The following ME1 variants were observed in gnomAD, a reference collection of about 807,000 sequenced individuals.
The protein encoded by ME1 is NADP-dependent malic enzyme.
A neutral mutation model predicts 66.4 loss-of-function variants in ME1; 74 were observed. The observed-to-expected ratio is 1.11, with a 90% CI of 0.92 to 1.35. ME1 has a LOEUF of 1.35. Among genes scored for constraint, ME1 ranks in the 40% most tolerant of loss-of-function variants. The pLI, the probability that ME1 is intolerant of heterozygous loss-of-function variation, is 0.00. For missense variants in ME1, 750 were observed against 694.1 expected (o/e 1.08, Z -0.90); for synonymous variants, 251 against 235.6 (o/e 1.07, Z -0.60).
At chr6:83,252,501 A>C (rs1156903881) in intron 7 of ME1, among the ~76,000 whole-genome samples, 5 of 152,104 alleles carry the variant, frequency 3.3e-5, no homozygotes, top group Non-Finnish European at 4.4e-5. Context: ...GAGTTTTGCC[A>C]TGTTGCCCAG....
In ME1 at chr6:83,239,539, C is replaced by T; in HGVS notation, c.912G>A (p.Glu304=). The T allele has an allele frequency of 6.2e-7, 1 of 1,604,932 alleles. No homozygotes were observed. The highest frequency in any genetic ancestry group is 1.3e-5 in the African/African-American group (1 of 74,740). ...DQTILFQGAG[E]AALGIAHLIV... ...CATAAGTATTACACAAGGCAAATAC[C>T]TCTCCAGCTCCTTGGAATAGTATTG... Residue 304 remains glutamate, a splice_region_variant and synonymous_variant, in exon 8 of 14, where the codon GAG becomes GAA. Transcript: ENST00000369705.
chr6:83,420,885 T>G lies in ME1; in HGVS notation c.78+9992A>C, dbSNP rs542639036. Among the ~76,000 whole-genome samples the G allele has an allele frequency of 1.1e-4, 16 of 152,344 alleles. No individual in the cohort carries two copies. In the South Asian group the frequency reaches 3.1e-3, roughly 30 times the overall value. On this transcript the variant is annotated intron_variant, in intron 1 of 13. Coordinates refer to ENST00000369705, the MANE Select transcript of ME1 (RefSeq NM_002395.6). Reference sequence around the variant, plus strand: ...ATTTTTGTTGTTGTTGTTGGGTTTTTTTGTTGTTGTTGTTTTTGTTTTTGT... The same window carrying G: ...ATTTTTGTTGTTGTTGTTGGGTTTTGTTGTTGTTGTTGTTTTTGTTTTTGT...
intron 12 of ME1, among the ~76,000 whole-genome samples, chr6:83,217,346 T>C (rs917169010): frequency 6.6e-6 from 1 of 152,216 alleles, no homozygotes; most frequent in African/African-American, 2.4e-5. Context: ...GTAGGAAACC[T>C]TCCTCTTTTG....
intron 6 of ME1, among the ~76,000 whole-genome samples, chr6:83,291,537 C>G (rs771727090): frequency 3.3e-5 from 5 of 152,184 alleles, no homozygotes; most frequent in Non-Finnish European, 7.3e-5. Context: ...ACCTTTCTCT[C>G]TCACTGCCCT....
intron 3 of ME1, 69 bp from the exon 4 acceptor site, chr6:83,352,208 T>C (rs1583396205): frequency 1.3e-5 from 13 of 997,316 alleles, no homozygotes; most frequent in African/African-American, 1.7e-5. Flanking sequence ...ACCATGAATA[T>C]CTTAAATTTT....
intron 6 of ME1, among the ~76,000 whole-genome samples, chr6:83,274,784 T>C (rs928041971): frequency 3.3e-5 from 5 of 152,184 alleles, no homozygotes; most frequent in Admixed American, 2.6e-4. Context: ...ACTACACAAA[T>C]AAGAGATGCA....
At chr6:83,277,178 A>G (rs527304264) in intron 6 of ME1, among the ~76,000 whole-genome samples, 1 of 152,364 alleles carries the variant, frequency 6.6e-6, no homozygotes, top group South Asian at 2.1e-4. Flanking sequence ...TGAACCAAAC[A>G]AAACAAGCCT....
At chr6:83,411,451 ACTTAAAT>A (rs1770047653) in intron 1 of ME1, among the ~76,000 whole-genome samples, 1 of 152,144 alleles carries the variant, frequency 6.6e-6, no homozygotes, top group South Asian at 2.1e-4. Flanking sequence ...AAATAAGTAA[ACTTAAAT>A]CTTAAAATCC....
intron 6 of ME1, among the ~76,000 whole-genome samples, chr6:83,257,515 A>G (rs1398384567): frequency 6.6e-6 from 1 of 152,172 alleles, no homozygotes; most frequent in Non-Finnish European, 1.5e-5. Flanking sequence ...CACTAAAGAC[A>G]AAAAGAAGCA....
At chr6:83,391,647 C>G (rs1433729716) in intron 3 of ME1, among the ~76,000 whole-genome samples, 1 of 152,082 alleles carries the variant, frequency 6.6e-6, no homozygotes, top group Non-Finnish European at 1.5e-5. Flanking sequence ...CTACAGGAAG[C>G]CCTAAGACAT....
chr6:83,405,540 T>A (rs1360312268), intron 2 of ME1, among the ~76,000 whole-genome samples: 1 of 152,158 alleles, frequency 6.6e-6, no homozygotes, highest in East Asian at 1.9e-4. Flanking sequence ...TCCAATACCA[T>A]GCTGAATAGG....
chr6:83,406,596 C>T (rs970796955), intron 2 of ME1, among the ~76,000 whole-genome samples: 9 of 152,114 alleles, frequency 5.9e-5, no homozygotes, highest in South Asian at 2.1e-4. Context: ...TAGATTTCAA[C>T]GTACGAATTT....
At chr6:83,348,205 G>T (rs1768724424) in intron 4 of ME1, among the ~76,000 whole-genome samples, 1 of 152,124 alleles carries the variant, frequency 6.6e-6, no homozygotes, top group African/African-American at 2.4e-5. Context: ...GGTTAACTTA[G>T]CCCTGATTTA....
At chr6:83,383,226 C>T (rs549644052) in intron 3 of ME1, among the ~76,000 whole-genome samples, 34 of 151,750 alleles carry the variant, frequency 2.2e-4, no homozygotes, top group Non-Finnish European at 3.1e-4. Context: ...AGGAAGAAAA[C>T]AAGTTCAAGC....
chr6:83,328,237 G>A (rs1245768868), intron 5 of ME1, among the ~76,000 whole-genome samples: 6 of 152,208 alleles, frequency 3.9e-5, no homozygotes. Flanking sequence ...AACACCGCAT[G>A]TTCTCACTCA....
At chr6:83,312,198 A>G (rs1401171294) in intron 6 of ME1, among the ~76,000 whole-genome samples, 1 of 152,222 alleles carries the variant, frequency 6.6e-6, no homozygotes, top group Non-Finnish European at 1.5e-5. Flanking sequence ...ATGTCTGAGA[A>G]CTAATGAGCA....
At chr6:83,344,109 T>TA (rs561027558) in intron 5 of ME1, among the ~76,000 whole-genome samples, 3,245 of 126,790 alleles carry the variant, frequency 0.026, 121 homozygotes, top group African/African-American at 0.082. Context: ...AGACCCCGTC[T>TA]AAAAAAAAAA....
Position 83,352,111 on chromosome 6 carries a change from C to A in ME1, c.391G>T (p.Gly131Trp). The A allele has an allele frequency of 6.3e-7, 1 of 1,586,184 alleles. No homozygotes were observed. Among genetic ancestry groups the A allele is most frequent in the Non-Finnish European group, 8.6e-7 (1 of 1,164,462 alleles). Residue 131 changes from glycine to tryptophan, a missense_variant, in exon 4 of 14, where the codon GGG becomes TGG. Transcript: ENST00000369705. ...GCATTGAGAACTGAAGCAATATGCCCTCGATCGTGGATAGTAATAAAGAGA... is the reference window on the plus strand; with the variant it reads ...GCATTGAGAACTGAAGCAATATGCCATCGATCGTGGATAGTAATAAAGAGA... ...RGLFITIHDR[G>W]HIASVLNAWP...
intron 13 of ME1, among the ~76,000 whole-genome samples, chr6:83,214,221 G>A (rs1789950494): frequency 6.6e-6 from 1 of 152,092 alleles, no homozygotes; most frequent in Non-Finnish European, 1.5e-5. Context: ...CATAGACTAT[G>A]TGGAAATTCA....
Sources: gnomAD v4.1 joint callset for allele counts (sites outside exome capture counted in the v4.1 genomes callset) on GRCh38, gnomAD v4.1.1 for gene constraint, MANE v1.5 for transcripts, NCBI Gene and HGNC (gene_info 2026-07-23, HGNC 2026-07-21) for gene names.